The following EPHA4 variants were observed in gnomAD, a reference collection of about 807,000 sequenced individuals.
EPHA4 encodes the protein EPH receptor A4, also known as ephrin type-A receptor 4.
EPHA4 carries 19 observed loss-of-function variants against 108.3 expected under a neutral mutation model. That is an observed-to-expected ratio of 0.18 (90% CI 0.12 to 0.26). The LOEUF (loss-of-function observed/expected upper bound fraction) is 0.26, where lower values mean the gene tolerates loss of function less well. Ranked by LOEUF, EPHA4 falls within the 10% of genes least tolerant of loss-of-function variation. EPHA4 has a pLI of 1.00. For missense variants in EPHA4, 917 were observed against 1,254.0 expected (o/e 0.73, Z 4.06); for synonymous variants, 449 against 455.5 (o/e 0.99, Z 0.18).
At position 221,548,375 on chromosome 2, in the gene EPHA4, A is replaced by G. The variant is rs1388630334; in HGVS notation, c.823+15356T>C. 2.0e-5 allele frequency among the ~76,000 whole-genome samples: 3 copies of G among 151,886 alleles called. No homozygotes were observed. In the South Asian group the frequency reaches 6.3e-4, roughly 32 times the overall value. On this transcript the variant is annotated intron_variant, in intron 3 of 17. Coordinates refer to ENST00000281821, the MANE Select transcript of EPHA4 (RefSeq NM_004438.5). ...GAGAGTCCGTCTCAAAAAAAAAAAA[A>G]GAGTCTGGGACGTTGTCCTTCTCTC...
chr2:221,490,162 AC>A (rs1397747481), intron 4 of EPHA4, among the ~76,000 whole-genome samples: 167 of 137,948 alleles, frequency 1.2e-3, no homozygotes, highest in Non-Finnish European at 2.2e-3. Flanking sequence ...AAAAAAAAAA[AC>A]CCACTGCCAT....
At chr2:221,570,447 C>T (rs1170912076) in intron 1 of EPHA4, among the ~76,000 whole-genome samples, 6 of 152,128 alleles carry the variant, frequency 3.9e-5, no homozygotes, top group African/African-American at 1.2e-4. Flanking sequence ...ATCCACGATT[C>T]CTCTCAGGGG....
intron 11 of EPHA4, among the ~76,000 whole-genome samples, chr2:221,438,654 A>G (rs1690321925): frequency 6.6e-6 from 1 of 151,936 alleles, no homozygotes; most frequent in East Asian, 1.9e-4. Context: ...CGGGTGCAGT[A>G]CGCACTTGCA....
Position 221,455,632 on chromosome 2 carries a change from C to G in EPHA4, c.1630G>C (p.Ala544Pro). Residue 544 changes from alanine (A) to proline (P), a missense_variant, in exon 8 of 18, where the codon GCT becomes CCT. Ala to Pro is a conservative substitution (Grantham distance 27). Around this residue, in one of 3 missense-constraint regions of EPHA4, gnomAD observed 758 missense variants for 1,076.7 expected, o/e 0.70. Coordinates refer to ENST00000281821, the MANE Select transcript of EPHA4 (RefSeq NM_004438.5). ...GAGACCAGAAGGACTGTGGAGTTAG[C>G]CCCATCTCCAATGATCCGGGAAGGC... is the stretch of plus-strand genomic sequence containing the variant. ...TVPSRIIGDG[A>P]NSTVLLVSVS... 1 of 1,613,768 alleles carries G rather than the reference C, an allele frequency of 6.2e-7. No individual in the cohort carries two copies. Among genetic ancestry groups the G allele is most frequent in the Non-Finnish European group, 8.5e-7 (1 of 1,179,820 alleles).
rs988933547 is a variant in EPHA4, at chr2:221,508,503, C to T, written c.824-7331G>A. Among the ~76,000 whole-genome samples, 12 of 151,256 alleles carry T rather than the reference C, an allele frequency of 7.9e-5. No individual in the cohort carries two copies. In the South Asian group the frequency reaches 1.3e-3, roughly 16 times the overall value. On this transcript the variant is annotated intron_variant, in intron 3 of 17. Transcript: ENST00000281821. ...CTGAGGCAGGAGAATCACTTGAACC[C>T]GGGAGACTGAGGTTGCAGGGAGCCA...
rs954459725 is a variant in EPHA4, at chr2:221,455,753, T to C, written c.1604-95A>G. 5.9e-6 allele frequency: 5 copies of C among 841,798 alleles called. No homozygotes were observed. In the Admixed American group the frequency reaches 1.1e-4, roughly 18 times the overall value. The allele number at this position is 841,798 out of a possible 1,614,324, so 52.1% of individuals were successfully genotyped here. On this transcript the variant is annotated intron_variant, in intron 7 of 17. Coordinates refer to ENST00000281821, the MANE Select transcript of EPHA4 (RefSeq NM_004438.5). Reference sequence around the variant, plus strand: ...CAGTTTTCAGTGTTCTGAAGCCACTTGGAGAGAGAAAGACACTTGAACATT... The same window carrying C: ...CAGTTTTCAGTGTTCTGAAGCCACTCGGAGAGAGAAAGACACTTGAACATT...
chr2:221,525,857 G>T (rs762697647), intron 3 of EPHA4, among the ~76,000 whole-genome samples: 1 of 152,176 alleles, frequency 6.6e-6, no homozygotes, highest in Non-Finnish European at 1.5e-5. Flanking sequence ...TTTAGGGACT[G>T]TGTCTCCAGA....
chr2:221,569,830 C>T (rs1694773938), intron 1 of EPHA4, among the ~76,000 whole-genome samples: 1 of 152,156 alleles, frequency 6.6e-6, no homozygotes, highest in South Asian at 2.1e-4. Flanking sequence ...CTGGATTCTG[C>T]CCACTTTCCC....
chr2:221,472,865 A>G (rs1350892589), intron 5 of EPHA4, among the ~76,000 whole-genome samples: 1 of 152,236 alleles, frequency 6.6e-6, no homozygotes, highest in Non-Finnish European at 1.5e-5. Context: ...TGGTCAGAGG[A>G]GAACCACAGT....
rs199606862 is a variant in EPHA4, at chr2:221,434,272, C to A, written c.2366G>T (p.Arg789Leu). 6.2e-7 allele frequency: 1 copy of A among 1,613,868 alleles called. No homozygotes were observed. Among genetic ancestry groups the A allele is most frequent in the African/African-American group, 1.3e-5 (1 of 74,904 alleles). The change falls in exon 14 of 18, where the codon CGG becomes CTG. Residue 789 changes from arginine to leucine, a missense_variant. Coordinates refer to ENST00000281821, the MANE Select transcript of EPHA4 (RefSeq NM_004438.5). ...GGCAATTGCTTCTGGCGCAGTCCAC[C>A]GGATAGGAATCTTGCCACCCTGTGA... The part of the protein sequence containing the change: ...YTTRGGKIPI[R>L]WTAPEAIAYR...
chr2:221,478,680 G>A (rs1691730690), intron 5 of EPHA4, among the ~76,000 whole-genome samples: 1 of 152,120 alleles, frequency 6.6e-6, no homozygotes, highest in Non-Finnish European at 1.5e-5. Flanking sequence ...TAGAGAATTT[G>A]GGAAAAGTAC....
At chr2:221,549,803 A>T (rs944696483) in intron 3 of EPHA4, among the ~76,000 whole-genome samples, 1 of 152,196 alleles carries the variant, frequency 6.6e-6, no homozygotes, top group South Asian at 2.1e-4. Context: ...CCTGGTCAAC[A>T]TGGTGAAACC....
In EPHA4 at chr2:221,456,879, G is replaced by C. The variant is rs890135361; in HGVS notation, c.1444-107C>G. The C allele has an allele frequency of 4.1e-6, 5 of 1,209,786 alleles. No individual in the cohort carries two copies. In the South Asian group the frequency reaches 7.1e-5, roughly 17 times the overall value. 74.9% of individuals were successfully genotyped at this position (1,209,786 alleles called of 1,614,324 possible). On this transcript the variant is annotated intron_variant, in intron 6 of 17. Transcript: ENST00000281821. ...AAGCCAGTCAACTCAGAAACTGAAA[G>C]TAAATGGAGATGAATAAACTCTCTG... is the stretch of plus-strand genomic sequence containing the variant.
chr2:221,464,661 T>A (rs1313237045), intron 5 of EPHA4, among the ~76,000 whole-genome samples: 2 of 152,208 alleles, frequency 1.3e-5, no homozygotes, highest in Non-Finnish European at 2.9e-5. Flanking sequence ...TTGTTTGCGG[T>A]ACATTCGACC....
At chr2:221,568,963 T>C (rs1288421154) in intron 1 of EPHA4, among the ~76,000 whole-genome samples, 178 bp from the exon 2 acceptor site, 6 of 152,222 alleles carry the variant, frequency 3.9e-5, no homozygotes, top group African/African-American at 1.4e-4. Flanking sequence ...TCTCCCCCTC[T>C]TTAAATCTGC....
intron 3 of EPHA4, among the ~76,000 whole-genome samples, chr2:221,557,255 A>G (rs1290703639): frequency 6.6e-6 from 1 of 152,124 alleles, no homozygotes; most frequent in Non-Finnish European, 1.5e-5. Flanking sequence ...TCTTCCCTGT[A>G]TTTGTCACCA....
chr2:221,554,110 A>G (rs1438646578), intron 3 of EPHA4, among the ~76,000 whole-genome samples: 3 of 152,256 alleles, frequency 2.0e-5, no homozygotes, highest in African/African-American at 7.2e-5. Context: ...AACAAGAGCC[A>G]GATAAGCAGC....
intron 3 of EPHA4, among the ~76,000 whole-genome samples, chr2:221,519,462 A>G (rs1235253564): frequency 6.6e-6 from 1 of 152,208 alleles, no homozygotes; most frequent in African/African-American, 2.4e-5. Context: ...TGAGGAAAGG[A>G]GCCAGGTTGA....
intron 5 of EPHA4, among the ~76,000 whole-genome samples, chr2:221,481,416 C>T (rs982654704): frequency 2.9e-5 from 4 of 136,628 alleles, no homozygotes; most frequent in African/African-American, 8.3e-5. Context: ...CTTTGGGAGG[C>T]CAAGGTGGGC....
Sources: gnomAD v4.1 joint callset for allele counts (sites outside exome capture counted in the v4.1 genomes callset) on GRCh38, gnomAD v4.1.1 for gene constraint, gnomAD v4.1.1 regional missense constraint, MANE v1.5 for transcripts, NCBI Gene and HGNC (gene_info 2026-07-23, HGNC 2026-07-21) for gene names.